Variants in TNKS observed in about 807,000 individuals in gnomAD.
TNKS encodes the protein tankyrase.
Under a neutral mutation model 135.8 loss-of-function variants are expected in TNKS, and 72 were observed. The ratio of observed to expected loss-of-function variants is 0.53; its 90% CI spans 0.44 to 0.64. The LOEUF (loss-of-function observed/expected upper bound fraction) is 0.64, where lower values mean the gene tolerates loss of function less well. TNKS is among the 30% of genes least tolerant of loss of function. The pLI, the probability that TNKS is intolerant of heterozygous loss-of-function variation, is 0.00. For missense variants in TNKS, 1,769 were observed against 1,674.0 expected, an observed-to-expected ratio of 1.06 and a Z score of -0.99; for synonymous variants, 849 against 649.3, an observed-to-expected ratio of 1.31 and a Z score of -4.68.
At chr8:9,726,456 C>T (rs555923979) in intron 12 of TNKS, among the ~76,000 whole-genome samples, 185 bp from the exon 13 acceptor site, 1 of 152,274 alleles carries the variant, frequency 6.6e-6, no homozygotes, top group Admixed American at 6.5e-5. Context: ...TGTGTGGCTT[C>T]CCTAGGTTTG....
At chr8:9,620,225 G>T (rs1277024118) in intron 3 of TNKS, among the ~76,000 whole-genome samples, 2 of 152,162 alleles carry the variant, frequency 1.3e-5, no homozygotes, top group Non-Finnish European at 2.9e-5. Flanking sequence ...GGGATTACAG[G>T]TGTGAGCCAC....
rs555974633 is a variant in TNKS at position 9,766,182 on chromosome 8, T to A, written c.3554-57T>A. On this transcript the variant is annotated intron_variant, in intron 24 of 26. Coordinates refer to ENST00000310430, the MANE Select transcript of TNKS (RefSeq NM_003747.3). ...CTGCCCGATGCAAATAGTGTGCAGGTAATTGAGCTTCTAGAAAAGTGTTCA... is the reference window on the plus strand; with the variant it reads ...CTGCCCGATGCAAATAGTGTGCAGGAAATTGAGCTTCTAGAAAAGTGTTCA... 9 of 1,442,078 alleles carry A rather than the reference T, an allele frequency of 6.2e-6. No individual in the cohort carries two copies. In the Admixed American group the frequency reaches 1.7e-4, roughly 27 times the overall value. The allele number at this position is 1,442,078 out of a possible 1,614,324, so 89.3% of individuals were successfully genotyped here.
intron 3 of TNKS, among the ~76,000 whole-genome samples, chr8:9,626,742 T>G (rs536371186): frequency 1.3e-5 from 2 of 152,328 alleles, no homozygotes; most frequent in East Asian, 3.9e-4. Flanking sequence ...TGGTCACTTT[T>G]GACACCCATG....
intron 2 of TNKS, among the ~76,000 whole-genome samples, chr8:9,592,686 A>G (rs1311468573): frequency 1.3e-5 from 2 of 152,200 alleles, no homozygotes; most frequent in Non-Finnish European, 2.9e-5. Context: ...GTCTAATTAT[A>G]TTCAAGAAAC....
intron 3 of TNKS, among the ~76,000 whole-genome samples, chr8:9,629,802 C>T (rs1406955298): frequency 6.6e-6 from 1 of 152,228 alleles, no homozygotes; most frequent in Non-Finnish European, 1.5e-5. Context: ...CCTGCCTCAG[C>T]CTCCTGAGTA....
intron 11 of TNKS, among the ~76,000 whole-genome samples, chr8:9,712,023 A>G (rs1804359710): frequency 6.6e-6 from 1 of 152,230 alleles, no homozygotes; most frequent in African/African-American, 2.4e-5. Context: ...GAATTTTACT[A>G]CAGAATTTCA....
intron 2 of TNKS, among the ~76,000 whole-genome samples, chr8:9,583,946 C>T (rs574332137): frequency 5.9e-5 from 9 of 151,388 alleles, no homozygotes; most frequent in Non-Finnish European, 1.2e-4. Flanking sequence ...GGGTGGATCA[C>T]GAGGTCAGGA....
chr8:9,715,363 G>GC (rs1325680197), intron 11 of TNKS, among the ~76,000 whole-genome samples: 1 of 86,442 alleles, frequency 1.2e-5, no homozygotes, highest in African/African-American at 4.0e-5. Flanking sequence ...TAGCAGCAGG[G>GC]GGGGCGGGTA....
intron 2 of TNKS, among the ~76,000 whole-genome samples, chr8:9,607,052 T>C (rs1007229007): frequency 1.3e-5 from 2 of 152,164 alleles, no homozygotes; most frequent in Admixed American, 6.5e-5. Context: ...TAGTCTCTTT[T>C]TGCATTCTTA....
At chr8:9,584,236 T>C (rs1263597093) in intron 2 of TNKS, among the ~76,000 whole-genome samples, 1 of 151,654 alleles carries the variant, frequency 6.6e-6, no homozygotes, top group Non-Finnish European at 1.5e-5. Context: ...TTTGACTAAT[T>C]AGTATCCAAT....
chr8:9,588,104 A>G (rs772663177), intron 2 of TNKS, among the ~76,000 whole-genome samples: 1 of 152,166 alleles, frequency 6.6e-6, no homozygotes, highest in Non-Finnish European at 1.5e-5. Flanking sequence ...GTATTTTGAG[A>G]TTTGGGGTAA....
At chr8:9,561,279 G>A (rs995182404) in intron 1 of TNKS, among the ~76,000 whole-genome samples, 1 of 152,182 alleles carries the variant, frequency 6.6e-6, no homozygotes, top group Non-Finnish European at 1.5e-5. Flanking sequence ...CATTCACTGA[G>A]TTTTGACAAA....
chr8:9,636,771 C>A (rs547865864), intron 3 of TNKS, among the ~76,000 whole-genome samples: 4 of 152,080 alleles, frequency 2.6e-5, no homozygotes, highest in Admixed American at 6.5e-5. Flanking sequence ...TTTGAGAATA[C>A]GTTACGTTAG....
chr8:9,709,933 C>G (rs374169080), intron 9 of TNKS, 22 bp from the exon 10 acceptor site: 2 of 1,592,418 alleles, frequency 1.3e-6, no homozygotes, highest in Non-Finnish European at 8.6e-7. Context: ...ATTTTATTAA[C>G]TTGGTTTTGT....
chr8:9,749,809 A>C (rs1242529142), intron 18 of TNKS, among the ~76,000 whole-genome samples: 2 of 152,086 alleles, frequency 1.3e-5, no homozygotes, highest in African/African-American at 2.4e-5. Context: ...ATGCCCTCTG[A>C]ATTATCCTTC....
rs1432415411 is a variant in TNKS at position 9,780,935 on chromosome 8, G to T, written c.*4199G>T. On this transcript the variant is annotated 3_prime_UTR_variant, in exon 27 of 27. Coordinates refer to ENST00000310430, the MANE Select transcript of TNKS (RefSeq NM_003747.3). Reference sequence around the variant, plus strand: ...AAGATTTCAAAGCCTATTCAGTTGTGTATGTGGGGATACGACAGCAACTGT... The same window carrying T: ...AAGATTTCAAAGCCTATTCAGTTGTTTATGTGGGGATACGACAGCAACTGT... 6.6e-6 allele frequency: 1 copy of T among 152,224 alleles called. No homozygotes were observed. Among genetic ancestry groups the T allele is most frequent in the Non-Finnish European group, 1.5e-5 (1 of 68,050 alleles). 9.4% of individuals were successfully genotyped at this position (152,224 alleles called of 1,614,324 possible). A position where few individuals can be genotyped will look rare whatever the true frequency, so the allele number is the denominator to read the frequency against.
chr8:9,557,483 T>G (rs1815374539), intron 1 of TNKS: 1 of 149,702 alleles, frequency 6.7e-6, no homozygotes, highest in South Asian at 2.1e-4. Flanking sequence ...AACTGTAAAA[T>G]AAAAACAAAG....
At chr8:9,607,146 T>G (rs1428285177) in intron 2 of TNKS, among the ~76,000 whole-genome samples, 1 of 152,206 alleles carries the variant, frequency 6.6e-6, no homozygotes, top group Non-Finnish European at 1.5e-5. Context: ...AAAAAATTAT[T>G]TCATTTAGCA....
chr8:9,615,127 A>G (rs190261635), intron 2 of TNKS, among the ~76,000 whole-genome samples: 165 of 152,278 alleles, frequency 1.1e-3, no homozygotes, highest in African/African-American at 3.9e-3. Context: ...GTGGTGAGCC[A>G]CTAAAAGGCT....
Sources: allele counts gnomAD v4.1 joint callset (sites outside exome capture counted in the v4.1 genomes callset), GRCh38; gene constraint gnomAD v4.1.1; transcripts MANE v1.5; gene names NCBI Gene and HGNC (gene_info 2026-07-23, HGNC 2026-07-21).